WAC: variants seen among roughly 807,000 people sequenced by gnomAD.
The protein encoded by WAC is WW domain containing adaptor with coiled-coil.
WAC carries 11 observed loss-of-function variants against 79.6 expected under a neutral mutation model. The observed-to-expected ratio is 0.14, with a 90% CI of 0.09 to 0.23. The LOEUF (loss-of-function observed/expected upper bound fraction) is 0.23. Among genes scored for constraint, WAC ranks in the 10% least tolerant of loss-of-function variants. The pLI, the probability that WAC is intolerant of heterozygous loss-of-function variation, is 1.00. For synonymous variants in WAC, 304 were observed against 276.9 expected (o/e 1.10, Z -0.97); for missense variants, 728 against 773.5 (o/e 0.94, Z 0.70).
chr10:28,543,712 T>C (rs1020295831), intron 3 of WAC, among the ~76,000 whole-genome samples: 2 of 152,216 alleles, frequency 1.3e-5, no homozygotes, highest in African/African-American at 4.8e-5. Flanking sequence ...TAGTACACGC[T>C]CATTGTAGAA....
intron 3 of WAC, among the ~76,000 whole-genome samples, chr10:28,562,335 C>T (rs1017820163): frequency 2.0e-5 from 3 of 152,280 alleles, no homozygotes; most frequent in South Asian, 2.1e-4. Context: ...GGATTACAGG[C>T]ATCAGCCACC....
At chr10:28,619,296 TAAAAA>T (rs1158185131) in intron 13 of WAC, among the ~76,000 whole-genome samples, 5 of 151,946 alleles carry the variant, frequency 3.3e-5, no homozygotes, top group Admixed American at 3.3e-4. Context: ...TAAAATAAAA[TAAAAA>T]GTTGTTTGAA....
intron 7 of WAC, among the ~76,000 whole-genome samples, chr10:28,600,586 T>C (rs1488901637): frequency 6.6e-6 from 1 of 152,118 alleles, no homozygotes; most frequent in Admixed American, 6.5e-5. Flanking sequence ...GTCATTAAAT[T>C]TAACTAGGTT....
At chr10:28,546,453 CTG>C (rs1837352275) in intron 3 of WAC, among the ~76,000 whole-genome samples, 1 of 152,134 alleles carries the variant, frequency 6.6e-6, no homozygotes, top group Non-Finnish European at 1.5e-5. Flanking sequence ...TCAGCCTTTT[CTG>C]TGGTTATTGG....
chr10:28,543,530 G>A (rs895838541), intron 3 of WAC, among the ~76,000 whole-genome samples: 2 of 152,270 alleles, frequency 1.3e-5, no homozygotes, highest in African/African-American at 4.8e-5. Context: ...TGGACAATGC[G>A]GTTCTGAGGA....
intron 3 of WAC, among the ~76,000 whole-genome samples, chr10:28,543,180 CGGG>C (rs1837157021): frequency 5.3e-5 from 8 of 152,134 alleles, no homozygotes; most frequent in Non-Finnish European, 8.8e-5. Flanking sequence ...AACAAGATCT[CGGG>C]TGATACCTAC....
Position 28,608,268 on chromosome 10 carries a change from T to G in WAC, c.1002T>G (p.Ser334=). 2.5e-6 allele frequency: 4 copies of G among 1,614,212 alleles called. No individual in the cohort carries two copies. Among genetic ancestry groups the G allele is most frequent in the Non-Finnish European group, 3.4e-6 (4 of 1,180,028 alleles). Residue 334 remains serine (S), a synonymous_variant, in exon 8 of 14, where the codon TCT becomes TCG. Transcript: ENST00000354911. ...CTGCCTCTGGACTGAACCCCACATC[T>G]GCACCTCCAACATCTGCTTCAGCGG... ...TSSASGLNPT[S]APPTSASAVP...
At chr10:28,541,649 A>G (rs996879679) in intron 3 of WAC, among the ~76,000 whole-genome samples, 2 of 151,986 alleles carry the variant, frequency 1.3e-5, no homozygotes, top group African/African-American at 4.8e-5. Flanking sequence ...CTGACTCCAC[A>G]GTAGCTCTTT....
intron 13 of WAC, among the ~76,000 whole-genome samples, chr10:28,618,212 CTT>C (rs1202044762): frequency 6.6e-6 from 1 of 152,172 alleles, no homozygotes; most frequent in Non-Finnish European, 1.5e-5. Context: ...CACCTGAACT[CTT>C]GTCTTGTATT....
intron 7 of WAC, among the ~76,000 whole-genome samples, chr10:28,602,247 CTT>C (rs1341641429): frequency 6.6e-6 from 1 of 152,110 alleles, no homozygotes; most frequent in Non-Finnish European, 1.5e-5. Flanking sequence ...AGTTGCTTAT[CTT>C]TTGTGTGTAT....
At chr10:28,596,872 A>G (rs1330169037) in intron 7 of WAC, among the ~76,000 whole-genome samples, 1 of 152,168 alleles carries the variant, frequency 6.6e-6, no homozygotes, top group Non-Finnish European at 1.5e-5. Flanking sequence ...TTTGTTGACA[A>G]AAGGGCTCAA....
At chr10:28,536,245 TAAAA>T (rs5784067) in intron 3 of WAC, among the ~76,000 whole-genome samples, 1 of 142,416 alleles carries the variant, frequency 7.0e-6, no homozygotes. Flanking sequence ...GAGACTCCAT[TAAAA>T]AAAAAAAAAA....
At chr10:28,589,401 C>T (rs942284934) in intron 4 of WAC, 11 of 177,376 alleles carry the variant, frequency 6.2e-5, no homozygotes, top group African/African-American at 1.9e-4. Context: ...GAGTGCATTC[C>T]CCACCCCCAT....
At chr10:28,570,332 T>A (rs1243131981) in intron 3 of WAC, among the ~76,000 whole-genome samples, 1 of 152,232 alleles carries the variant, frequency 6.6e-6, no homozygotes, top group Admixed American at 6.5e-5. Flanking sequence ...AAAACTTTTT[T>A]GCTATGCTTA....
intron 3 of WAC, among the ~76,000 whole-genome samples, chr10:28,576,118 C>T (rs570584839): frequency 2.2e-4 from 34 of 152,142 alleles, no homozygotes; most frequent in African/African-American, 7.9e-4. Context: ...CAAAATTGCT[C>T]GACAACATAT....
chr10:28,533,522 C>G lies in WAC; in HGVS notation c.-58C>G. ...GCCGCCGCCGCCGCCTGCGCGCCCG[C>G]CCGCCTTTCGCGGCCGCTCTCCCCC... On this transcript the variant is annotated 5_prime_UTR_variant, in exon 1 of 14. Transcript: ENST00000354911. 1 of 1,190,710 alleles carries G rather than the reference C, an allele frequency of 8.4e-7. No individual in the cohort carries two copies. 73.8% of individuals were successfully genotyped at this position (1,190,710 alleles called of 1,614,324 possible).
chr10:28,595,541 C>T (rs1214886504), intron 6 of WAC, among the ~76,000 whole-genome samples, 192 bp from the exon 7 acceptor site: 12 of 152,088 alleles, frequency 7.9e-5, no homozygotes. Flanking sequence ...AACTCCTCCT[C>T]TTCCAGTATT....
At chr10:28,596,697 G>A (rs1452710401) in intron 7 of WAC, among the ~76,000 whole-genome samples, 1 of 152,188 alleles carries the variant, frequency 6.6e-6, no homozygotes, top group Non-Finnish European at 1.5e-5. Context: ...TTCACAATCT[G>A]AAACTTGTAC....
At chr10:28,563,742 AGCTTTTTTTTT>A (rs1838426295) in intron 3 of WAC, among the ~76,000 whole-genome samples, 1 of 67,002 alleles carries the variant, frequency 1.5e-5, no homozygotes, top group African/African-American at 4.5e-5. Context: ...GCCTACACCC[AGCTTTTTTTTT>A]TTTTTTTTTT....
Sources: gnomAD v4.1 joint callset for allele counts (sites outside exome capture counted in the v4.1 genomes callset) on GRCh38, gnomAD v4.1.1 for gene constraint, MANE v1.5 for transcripts, NCBI Gene and HGNC (gene_info 2026-07-23, HGNC 2026-07-21) for gene names.